The following CNGB1 variants were observed in gnomAD, a reference collection of about 807,000 sequenced individuals.
The protein encoded by CNGB1 is cyclic nucleotide-gated channel beta-1.
A neutral mutation model predicts 151.7 loss-of-function variants in CNGB1; 126 were observed. That is an observed-to-expected ratio of 0.83 (90% CI 0.72 to 0.96). CNGB1 has a LOEUF of 0.96. CNGB1 is among the 40% of genes least tolerant of loss of function. CNGB1 has a pLI of 0.00. For missense variants in CNGB1, 1,698 were observed against 1,627.0 expected, an observed-to-expected ratio of 1.04 and a Z score of -0.75; for synonymous variants, 623 against 635.1, an observed-to-expected ratio of 0.98 and a Z score of 0.29.
In CNGB1 at chr16:57,962,864, C is replaced by T; in HGVS notation, c.390G>A (p.Gly130=). ...TACCTGTGTCCCCAGTGCTGCCATG[C>T]CCCAGGATCTGCCAGGGACAGACAG... is the stretch of plus-strand genomic sequence containing the variant. ...SITEDPAQIL[G]HGSTGDTGCT... is the part of the protein sequence containing the mutation. The change falls in exon 6 of 33, where the codon GGG becomes GGA. Residue 130 remains glycine, a synonymous_variant. Coordinates refer to ENST00000251102, the MANE Select transcript of CNGB1 (RefSeq NM_001297.5). 6.2e-7 allele frequency: 1 copy of T among 1,612,760 alleles called. No homozygotes were observed. The highest frequency in any genetic ancestry group is 8.5e-7 in the Non-Finnish European group (1 of 1,180,018).
intron 21 of CNGB1, 28 bp from the exon 22 acceptor site, chr16:57,916,207 A>G: frequency 6.2e-7 from 1 of 1,606,042 alleles, no homozygotes; most frequent in South Asian, 1.1e-5. Context: ...ATGATGGTGA[A>G]ATGACCTTAC....
At chr16:57,922,099 G>A (rs1489358895) in intron 18 of CNGB1, among the ~76,000 whole-genome samples, 1 of 152,218 alleles carries the variant, frequency 6.6e-6, no homozygotes, top group African/African-American at 2.4e-5. Context: ...CAACTGGACT[G>A]AGGGTGGGGT....
rs1389288365 is a variant in CNGB1, at chr16:57,883,745, T to TTA, written c.*418_*419insTA. The TTA allele has an allele frequency of 7.5e-6, 2 of 267,188 alleles. No homozygotes were observed. The highest frequency in any genetic ancestry group is 4.6e-5 in the African/African-American group (2 of 43,846). 16.6% of individuals were successfully genotyped at this position (267,188 alleles called of 1,614,324 possible). The stretch of plus-strand genomic sequence containing the variant: ...TGAAGTATTTTCTATCCTTGAAATG[T>TTA]GTTAGACAAATTCCTGAGGGGAAAC... On this transcript the variant is annotated 3_prime_UTR_variant, in exon 33 of 33. Coordinates refer to ENST00000251102, the MANE Select transcript of CNGB1 (RefSeq NM_001297.5).
intron 17 of CNGB1, 134 bp from the exon 18 acceptor site, chr16:57,923,514 T>G: frequency 1.4e-6 from 1 of 722,446 alleles, no homozygotes. Context: ...CATGAACTTC[T>G]GAGTCCTCAT....
intron 25 of CNGB1, among the ~76,000 whole-genome samples, chr16:57,906,637 C>T (rs767044050): frequency 1.3e-5 from 2 of 152,228 alleles, no homozygotes; most frequent in Admixed American, 6.5e-5. Context: ...TCAGAGGGCA[C>T]GCGAAGCAGC....
intron 19 of CNGB1, 54 bp downstream of exon 19, chr16:57,920,333 T>C: frequency 1.9e-6 from 3 of 1,605,624 alleles, no homozygotes; most frequent in Middle Eastern, 1.7e-4. Context: ...CAGGGAACTT[T>C]GGAGGCCCCA....
chr16:57,966,583 A>G (rs1205194203), intron 2 of CNGB1, among the ~76,000 whole-genome samples: 3 of 152,236 alleles, frequency 2.0e-5, no homozygotes, highest in Admixed American at 1.3e-4. Context: ...AAGTCTTGGT[A>G]CAAAATAAAT....
chr16:57,898,539 C>T (rs1327382863), intron 29 of CNGB1, among the ~76,000 whole-genome samples: 1 of 152,106 alleles, frequency 6.6e-6, no homozygotes, highest in East Asian at 1.9e-4. Context: ...CTTCAGCCTC[C>T]CGAGTAGCTG....
At chr16:57,906,830 G>T (rs753638270) in intron 25 of CNGB1, among the ~76,000 whole-genome samples, 56 of 152,224 alleles carry the variant, frequency 3.7e-4, no homozygotes, top group Non-Finnish European at 7.1e-4. Flanking sequence ...CATCTTAGGG[G>T]CCTCCCTGAA....
chr16:57,931,679 G>A (rs753597911), intron 17 of CNGB1, 37 bp downstream of exon 17: 47 of 1,611,012 alleles, frequency 2.9e-5, no homozygotes, highest in Non-Finnish European at 3.6e-5. Flanking sequence ...AGGTGGCACA[G>A]TGCCGAGAAA....
intron 18 of CNGB1, among the ~76,000 whole-genome samples, chr16:57,922,907 A>C (rs1961083548): frequency 6.6e-6 from 1 of 150,556 alleles, no homozygotes; most frequent in African/African-American, 2.5e-5. Context: ...GGCAGAACCC[A>C]CTGGAGATCC....
At chr16:57,949,579 G>A in intron 13 of CNGB1, 140 bp from the exon 14 acceptor site, 1 of 1,393,186 alleles carries the variant, frequency 7.2e-7, no homozygotes, top group East Asian at 2.3e-5. Flanking sequence ...AACCTGGGGA[G>A]CCCCACCCGA....
chr16:57,897,946 CA>C, intron 29 of CNGB1, 32 bp from the exon 30 acceptor site: 1 of 1,608,678 alleles, frequency 6.2e-7, no homozygotes, highest in Non-Finnish European at 8.5e-7. Flanking sequence ...TCCCTCTGTT[CA>C]TCCCCCAAAG....
chr16:57,962,648 G>A lies in CNGB1; in HGVS notation c.413-38C>T, dbSNP rs759046584. On this transcript the variant is annotated intron_variant, in intron 6 of 32. Coordinates refer to ENST00000251102, the MANE Select transcript of CNGB1 (RefSeq NM_001297.5). ...AAAATACAGAAAGGCAGTCAGCAGC[G>A]GGAGACCTGCCCCAGCCCCCTGGGC... The A allele has an allele frequency of 3.9e-5, 63 of 1,609,032 alleles. 2 individuals carry two copies. Among genetic ancestry groups the A allele is most frequent in the South Asian group, 6.6e-5 (6 of 91,010 alleles).
At chr16:57,894,625 G>A (rs1280031770) in intron 31 of CNGB1, among the ~76,000 whole-genome samples, 1 of 152,138 alleles carries the variant, frequency 6.6e-6, no homozygotes, top group Non-Finnish European at 1.5e-5. Flanking sequence ...GAAAATGTCT[G>A]TGGACTTGTC....
rs186534599 is a variant in CNGB1 at position 57,941,506 on chromosome 16, G to T, written c.1122-1185C>A. On this transcript the variant is annotated intron_variant, in intron 14 of 32. Transcript: ENST00000251102. ...ACATTGCCACAGCGGCTCCTGGGCT[G>T]CGTGCCAGGCAGTCTGCATGAAAAG... Among the ~76,000 whole-genome samples, 271 of 152,312 alleles carry T rather than the reference G, an allele frequency of 1.8e-3. 4 individuals carry two copies. Among genetic ancestry groups the T allele is most frequent in the African/African-American group, 6.0e-3 (249 of 41,562 alleles).
At chr16:57,910,462 C>T (rs374375) in intron 25 of CNGB1, among the ~76,000 whole-genome samples, 65,990 of 151,936 alleles carry the variant, frequency 0.43, 15,255 homozygotes, top group African/African-American at 0.61. Flanking sequence ...ACAACCTCCA[C>T]CTCCCGGGTT....
chr16:57,921,067 T>C (rs1228520788), intron 18 of CNGB1, among the ~76,000 whole-genome samples: 1 of 152,138 alleles, frequency 6.6e-6, no homozygotes, highest in Non-Finnish European at 1.5e-5. Flanking sequence ...AGAAACTGCT[T>C]TCTTTCCTCT....
At chr16:57,953,149 T>G (rs537230925) in intron 12 of CNGB1, among the ~76,000 whole-genome samples, 2 of 152,328 alleles carry the variant, frequency 1.3e-5, no homozygotes, top group South Asian at 4.1e-4. Flanking sequence ...TCCTGGTCAG[T>G]GGCCTCTCTG....
Sources: allele counts gnomAD v4.1 joint callset (sites outside exome capture counted in the v4.1 genomes callset), GRCh38; gene constraint gnomAD v4.1.1; transcripts MANE v1.5; gene names NCBI Gene and HGNC (gene_info 2026-07-23, HGNC 2026-07-21).